HOMER1: variants seen among roughly 807,000 people sequenced by gnomAD.
HOMER1 encodes the protein homer protein homolog 1.
In HOMER1, 3 loss-of-function variants were observed where a neutral mutation model predicts 48.9. The observed-to-expected ratio is 0.06, with a 90% confidence interval of 0.03 to 0.16. The LOEUF is 0.16. HOMER1 is among the 10% of genes least tolerant of loss of function. The probability of loss-of-function intolerance (pLI) is 1.00; values close to 1 mark genes in which losing one functional copy is unlikely to be tolerated. For missense variants in HOMER1, 247 were observed against 411.4 expected (o/e 0.60, Z 3.46); for synonymous variants, 134 against 146.4 (o/e 0.92, Z 0.61).
chr5:79,446,839 A>G (rs1051683611), intron 4 of HOMER1, among the ~76,000 whole-genome samples: 2 of 133,460 alleles, frequency 1.5e-5, no homozygotes, highest in African/African-American at 5.7e-5. Flanking sequence ...TAATTTGTAG[A>G]GATGAGGTCT....
chr5:79,471,081 A>G (rs1256370816), intron 1 of HOMER1, among the ~76,000 whole-genome samples: 1 of 152,184 alleles, frequency 6.6e-6, no homozygotes, highest in African/African-American at 2.4e-5. Flanking sequence ...AGCAAGCACG[A>G]CAAAATGCAG....
intron 5 of HOMER1, among the ~76,000 whole-genome samples, chr5:79,421,933 A>C (rs182892717): frequency 5.1e-4 from 77 of 152,238 alleles, no homozygotes; most frequent in African/African-American, 1.9e-3. Context: ...AATAGTTATA[A>C]AAATCAACAT....
intron 2 of HOMER1, 47 bp downstream of exon 2, chr5:79,456,815 T>A: frequency 1.3e-6 from 2 of 1,573,704 alleles, no homozygotes; most frequent in Non-Finnish European, 1.7e-6. Flanking sequence ...AATGTCATAC[T>A]GAAAAAAGCA....
At chr5:79,417,434 A>G (rs1355675782) in intron 5 of HOMER1, among the ~76,000 whole-genome samples, 1 of 152,060 alleles carries the variant, frequency 6.6e-6, no homozygotes, top group African/African-American at 2.4e-5. Context: ...GAGCCACCGC[A>G]CCCGGCCGAT....
At chr5:79,434,795 C>T (rs1294440109) in intron 5 of HOMER1, among the ~76,000 whole-genome samples, 4 of 152,078 alleles carry the variant, frequency 2.6e-5, no homozygotes, top group African/African-American at 9.7e-5. Context: ...TTGAGCAGCT[C>T]ATACATTTAA....
intron 1 of HOMER1, among the ~76,000 whole-genome samples, chr5:79,457,233 A>G (rs553088147): frequency 6.6e-6 from 1 of 152,224 alleles, no homozygotes; most frequent in African/African-American, 2.4e-5. Flanking sequence ...GAGTCTGTAC[A>G]TGTGAATTCA....
rs1273901417 is a variant in HOMER1 at position 79,513,212 on chromosome 5, A to G, written c.-438T>C. The G allele has an allele frequency of 6.0e-6, 1 of 167,266 alleles. No individual in the cohort carries two copies. Among genetic ancestry groups the G allele is most frequent in the African/African-American group, 2.4e-5 (1 of 41,880 alleles). The allele number at this position is 167,266 out of a possible 1,614,324, so 10.4% of individuals were successfully genotyped here. On this transcript the variant is annotated 5_prime_UTR_variant, in exon 1 of 9. Transcript: ENST00000334082. ...CGGGTTCAAATTTCTCCACCACACC[A>G]GGTCTCCGGGGGTGGAGCGAGCAAC...
chr5:79,439,466 G>T (rs1020928904), intron 4 of HOMER1, among the ~76,000 whole-genome samples: 1 of 152,072 alleles, frequency 6.6e-6, no homozygotes, highest in Non-Finnish European at 1.5e-5. Flanking sequence ...TAACTAATTG[G>T]TCAGAATAAA....
chr5:79,466,351 C>T (rs1751463347), intron 1 of HOMER1, among the ~76,000 whole-genome samples: 1 of 151,904 alleles, frequency 6.6e-6, no homozygotes. Context: ...CCCATCTCTA[C>T]AAAAAATTAG....
intron 1 of HOMER1, among the ~76,000 whole-genome samples, chr5:79,492,034 T>G (rs556259702): frequency 1.1e-4 from 17 of 152,186 alleles, no homozygotes; most frequent in Non-Finnish European, 2.1e-4. Flanking sequence ...CACTTTACCA[T>G]AGTTACAGCT....
chr5:79,413,693 T>TAA lies in HOMER1; in HGVS notation c.528-11640_528-11639dup, dbSNP rs34091926. The stretch of plus-strand genomic sequence containing the variant: ...TGCAATGAATGAATAAATTTTAACG[T>TAA]AAAAAAAAAAAAAACTACTTGTGTG... On this transcript the variant is annotated intron_variant, in intron 5 of 8. Transcript: ENST00000334082. Among the ~76,000 whole-genome samples, 32 of 141,688 alleles carry TAA rather than the reference T, an allele frequency of 2.3e-4. 1 individual carries two copies. In the South Asian group the frequency reaches 6.4e-3, roughly 28 times the overall value. The allele number at this position is 141,688 out of a possible 152,430, so 93.0% of individuals were successfully genotyped here.
intron 1 of HOMER1, among the ~76,000 whole-genome samples, chr5:79,500,959 GACAGACAC>G (rs763903998): frequency 0.014 from 1,852 of 129,984 alleles, 18 homozygotes; most frequent in Middle Eastern, 0.065. Flanking sequence ...GTGTGAGACA[GACAGACAC>G]ACACACACAC....
intron 1 of HOMER1, among the ~76,000 whole-genome samples, chr5:79,473,685 GAGA>G (rs1421372000): frequency 1.3e-5 from 2 of 152,166 alleles, no homozygotes; most frequent in African/African-American, 2.4e-5. Context: ...TGAGACATTT[GAGA>G]AGAACAAGTT....
intron 8 of HOMER1, among the ~76,000 whole-genome samples, chr5:79,391,107 T>A: frequency 6.7e-6 from 1 of 150,250 alleles, no homozygotes; most frequent in East Asian, 2.0e-4. Context: ...AAGTGGCACT[T>A]ACTAGTTAAT....
chr5:79,453,402 T>C (rs977819208), intron 2 of HOMER1, among the ~76,000 whole-genome samples: 2 of 152,186 alleles, frequency 1.3e-5, no homozygotes, highest in African/African-American at 4.8e-5. Flanking sequence ...TATTTCAAAT[T>C]AACTTCTTTC....
At chr5:79,438,513 G>A (rs1241985770) in intron 5 of HOMER1, among the ~76,000 whole-genome samples, 1 of 152,122 alleles carries the variant, frequency 6.6e-6, no homozygotes. Flanking sequence ...ACAAACCCAT[G>A]CTAAAAGTTA....
chr5:79,454,609 T>C (rs935249487), intron 2 of HOMER1, among the ~76,000 whole-genome samples: 3 of 152,052 alleles, frequency 2.0e-5, no homozygotes, highest in African/African-American at 7.2e-5. Context: ...ATCCTCCAAG[T>C]AAAAATGAAA....
chr5:79,435,239 A>G (rs1429771446), intron 5 of HOMER1, among the ~76,000 whole-genome samples: 1 of 152,236 alleles, frequency 6.6e-6, no homozygotes, highest in Non-Finnish European at 1.5e-5. Context: ...GTGCTAAATG[A>G]AAAGTAGGAC....
At chr5:79,484,416 A>G (rs1580016609) in intron 1 of HOMER1, among the ~76,000 whole-genome samples, 1 of 152,116 alleles carries the variant, frequency 6.6e-6, no homozygotes, top group South Asian at 2.1e-4. Context: ...TACATGATCT[A>G]AACACCCACA....
Sources: gnomAD v4.1 joint callset for allele counts (sites outside exome capture counted in the v4.1 genomes callset) on GRCh38, gnomAD v4.1.1 for gene constraint, MANE v1.5 for transcripts, NCBI Gene and HGNC (gene_info 2026-07-23, HGNC 2026-07-21) for gene names.